The following ADAMTS3 variants were observed in gnomAD, a reference collection of about 807,000 sequenced individuals.
ADAMTS3 encodes the protein ADAM metallopeptidase with thrombospondin type 1 motif 3.
ADAMTS3 carries 73 observed loss-of-function variants against 129.0 expected under a neutral mutation model. The observed-to-expected ratio is 0.57, with a 90% CI of 0.47 to 0.69. ADAMTS3 has a LOEUF of 0.69. ADAMTS3 is among the 30% of genes least tolerant of loss of function. The probability of loss-of-function intolerance (pLI) is 0.00; values close to 1 mark genes in which losing one functional copy is unlikely to be tolerated. For missense variants in ADAMTS3, 1,457 were observed against 1,514.5 expected (o/e 0.96, Z 0.63); for synonymous variants, 477 against 510.8 (o/e 0.93, Z 0.89).
At chr4:72,328,091 C>CA (rs1560474324) in intron 5 of ADAMTS3, among the ~76,000 whole-genome samples, 2 of 152,184 alleles carry the variant, frequency 1.3e-5, no homozygotes, top group Admixed American at 6.5e-5. Context: ...AGTACATCTA[C>CA]AAAAAAACAC....
At chr4:72,522,078 G>C (rs1368014480) in intron 3 of ADAMTS3, among the ~76,000 whole-genome samples, 1 of 152,136 alleles carries the variant, frequency 6.6e-6, no homozygotes, top group Non-Finnish European at 1.5e-5. Flanking sequence ...TAATTGAGTT[G>C]GCAGGTTAAA....
In ADAMTS3 at chr4:72,339,582, A is replaced by G. The variant is rs1720079596; in HGVS notation, c.773T>C (p.Ile258Thr). ...RRHAGENDYN[I>T]EVLLGVDDSV... ...GTCATCCACTCCCAGCAGTACCTCG[A>G]TATTGTAATCGTTTTCTCCCGCGTG... Residue 258 changes from isoleucine (I) to threonine (T), a missense_variant, in exon 5 of 22, where the codon ATC (isoleucine) becomes ACC (threonine). Ile to Thr is a moderately conservative substitution (Grantham distance 89). Coordinates refer to ENST00000286657, the MANE Select transcript of ADAMTS3 (RefSeq NM_014243.3). 1 of 1,613,816 alleles carries G rather than the reference A, an allele frequency of 6.2e-7. No homozygotes were observed. Among genetic ancestry groups the G allele is most frequent in the African/African-American group, 1.3e-5 (1 of 74,886 alleles).
chr4:72,442,460 A>AGAGGAAAAAAGC (rs1487460547), intron 3 of ADAMTS3, among the ~76,000 whole-genome samples: 2 of 151,662 alleles, frequency 1.3e-5, no homozygotes, highest in African/African-American at 4.8e-5. Context: ...AGGAAGCAAG[A>AGAGGAAAAAAGC]GAGGAAAAAA....
chr4:72,382,062 A>T (rs1721303883), intron 4 of ADAMTS3, among the ~76,000 whole-genome samples: 1 of 152,122 alleles, frequency 6.6e-6, no homozygotes, highest in Admixed American at 6.6e-5. Flanking sequence ...TGTGCATGAA[A>T]TCAACAACAG....
intron 4 of ADAMTS3, among the ~76,000 whole-genome samples, chr4:72,353,987 T>G (rs1042897758): frequency 6.6e-6 from 1 of 151,964 alleles, no homozygotes; most frequent in Non-Finnish European, 1.5e-5. Flanking sequence ...TACTGTTCCA[T>G]ATAACTGTTT....
intron 19 of ADAMTS3, among the ~76,000 whole-genome samples, chr4:72,293,756 T>C (rs1560461232): frequency 1.3e-5 from 2 of 151,834 alleles, no homozygotes; most frequent in East Asian, 3.9e-4. Flanking sequence ...TCCTCTAACA[T>C]AAATGATGGA....
chr4:72,474,173 G>A lies in ADAMTS3; in HGVS notation c.505-59202C>T, dbSNP rs553248089. ...TCCAGATATAAGTCAAAAATCACTCGTCATATCAAGAACCTGGAAGATCTC... is the reference window on the plus strand; with the variant it reads ...TCCAGATATAAGTCAAAAATCACTCATCATATCAAGAACCTGGAAGATCTC... On this transcript the variant is annotated intron_variant, in intron 3 of 21. Transcript: ENST00000286657. 1.5e-4 allele frequency among the ~76,000 whole-genome samples: 23 copies of A among 152,186 alleles called. No individual in the cohort carries two copies. The South Asian group carries it at 3.3e-3, about 22-fold the overall frequency.
At chr4:72,406,058 C>G (rs114732433) in intron 4 of ADAMTS3, among the ~76,000 whole-genome samples, 340 of 152,234 alleles carry the variant, frequency 2.2e-3, no homozygotes, top group African/African-American at 7.8e-3. Context: ...ATGTCTGAGT[C>G]TCCTGGGGAG....
intron 4 of ADAMTS3, among the ~76,000 whole-genome samples, chr4:72,412,069 G>A (rs1334361976): frequency 6.6e-6 from 1 of 152,036 alleles, no homozygotes; most frequent in Non-Finnish European, 1.5e-5. Flanking sequence ...TAGCAAAATA[G>A]GGCAGAATAT....
intron 2 of ADAMTS3, among the ~76,000 whole-genome samples, chr4:72,560,946 T>A (rs1420204535): frequency 6.6e-6 from 1 of 151,614 alleles, no homozygotes; most frequent in Non-Finnish European, 1.5e-5. Flanking sequence ...AGCGGTGGAG[T>A]TAGGACTTTA....
chr4:72,288,971 G>A, intron 20 of ADAMTS3, 103 bp from the exon 21 acceptor site: 1 of 607,698 alleles, frequency 1.6e-6, no homozygotes, highest in Non-Finnish European at 2.8e-6. Flanking sequence ...CACACACAAA[G>A]ACACAGAGAT....
At chr4:72,309,941 A>G (rs1719189222) in intron 14 of ADAMTS3, among the ~76,000 whole-genome samples, 1 of 152,074 alleles carries the variant, frequency 6.6e-6, no homozygotes, top group Admixed American at 6.6e-5. Context: ...ATGTGAGACA[A>G]AACTTCACCA....
chr4:72,429,406 A>G (rs761109077), intron 3 of ADAMTS3, among the ~76,000 whole-genome samples: 3 of 152,074 alleles, frequency 2.0e-5, no homozygotes, highest in African/African-American at 7.2e-5. Flanking sequence ...TAGAAAAGCG[A>G]TATCTACCAA....
intron 2 of ADAMTS3, among the ~76,000 whole-genome samples, chr4:72,550,014 A>G (rs77269223): frequency 2.2e-3 from 2 of 902 alleles, no homozygotes; most frequent in African/African-American, 5.1e-3. Flanking sequence ...GAAGAAGAAG[A>G]AGAAGAAGAA....
At chr4:72,334,307 A>G (rs1404916878) in intron 5 of ADAMTS3, among the ~76,000 whole-genome samples, 1 of 152,108 alleles carries the variant, frequency 6.6e-6, no homozygotes, top group African/African-American at 2.4e-5. Context: ...AAATAAGCTT[A>G]TTTTATGTTA....
chr4:72,437,592 C>A (rs1385039946), intron 3 of ADAMTS3, among the ~76,000 whole-genome samples: 2 of 151,696 alleles, frequency 1.3e-5, no homozygotes, highest in African/African-American at 4.8e-5. Flanking sequence ...AGATGCTTTG[C>A]GAGGGTTGTG....
Position 72,437,677 on chromosome 4 carries a change from G to A in ADAMTS3, c.505-22706C>T, listed in dbSNP as rs151193598. Among the ~76,000 whole-genome samples the A allele has an allele frequency of 6.4e-3, 967 of 151,818 alleles. 11 individuals carry two copies. The highest frequency in any genetic ancestry group is 8.4e-3 in the Admixed American group (127 of 15,196). ...TGGTGCACTATGAACCAATCTTCTAGAGGGTGATGATAACAGAAACAATAA... is the reference window on the plus strand; with the variant it reads ...TGGTGCACTATGAACCAATCTTCTAAAGGGTGATGATAACAGAAACAATAA... On this transcript the variant is annotated intron_variant, in intron 3 of 21. Transcript: ENST00000286657.
intron 13 of ADAMTS3, 67 bp downstream of exon 13, chr4:72,312,224 G>A (rs1578571976): frequency 1.3e-5 from 20 of 1,570,216 alleles, no homozygotes; most frequent in Admixed American, 5.1e-5. Flanking sequence ...CATGGGGTTC[G>A]TGCTGGCAAA....
chr4:72,308,373 A>T (rs1272368204), intron 15 of ADAMTS3, among the ~76,000 whole-genome samples: 1 of 152,028 alleles, frequency 6.6e-6, no homozygotes, highest in Admixed American at 6.6e-5. Flanking sequence ...GGAATAAAAA[A>T]TACAAAAACT....
Sources: allele counts gnomAD v4.1 joint callset (sites outside exome capture counted in the v4.1 genomes callset), GRCh38; gene constraint gnomAD v4.1.1; transcripts MANE v1.5; gene names NCBI Gene and HGNC (gene_info 2026-07-23, HGNC 2026-07-21).